CNTLN: variants seen among roughly 807,000 people sequenced by gnomAD.
CNTLN encodes centlein.
Under a neutral mutation model 180.0 loss-of-function variants are expected in CNTLN, and 212 were observed. The observed-to-expected ratio is 1.18, with a 90% CI of 1.05 to 1.32. CNTLN has a LOEUF of 1.32. CNTLN is among the 40% of genes most tolerant of loss of function. CNTLN has a pLI of 0.00. For synonymous variants in CNTLN, 722 were observed against 563.1 expected (o/e 1.28, Z -3.99); for missense variants, 2,095 against 1,610.9 (o/e 1.30, Z -5.14).
In CNTLN at chr9:17,416,196, A is replaced by C. The variant is rs746544592; in HGVS notation, c.3114+7A>C. On this transcript the variant is annotated splice_region_variant and intron_variant, in intron 18 of 25. Coordinates refer to ENST00000380647, the MANE Select transcript of CNTLN (RefSeq NM_017738.4). The stretch of plus-strand genomic sequence containing the variant: ...AAGCAGGCAGACAATAAAGGTAAAG[A>C]GAACTTTAAGATTGAACAGTAGTAT... The C allele has an allele frequency of 6.2e-6, 10 of 1,600,714 alleles. No homozygotes were observed. The Admixed American group carries it at 1.2e-4, about 19-fold the overall frequency.
intron 25 of CNTLN, among the ~76,000 whole-genome samples, chr9:17,488,134 C>T (rs764144633): frequency 8.6e-5 from 13 of 152,004 alleles, no homozygotes; most frequent in Non-Finnish European, 1.5e-4. Context: ...TATCAGTTTC[C>T]GTGCTTTTAG....
intron 5 of CNTLN, among the ~76,000 whole-genome samples, chr9:17,254,108 C>T (rs909559331): frequency 6.6e-6 from 1 of 151,616 alleles, no homozygotes; most frequent in African/African-American, 2.4e-5. Flanking sequence ...ATCATCCCTG[C>T]ATCCCTGGGA....
intron 2 of CNTLN, among the ~76,000 whole-genome samples, chr9:17,148,378 T>A (rs1235916628): frequency 2.6e-5 from 4 of 152,236 alleles, no homozygotes; most frequent in Non-Finnish European, 4.4e-5. Context: ...AAGCCTCTGG[T>A]CACAACAATT....
intron 5 of CNTLN, among the ~76,000 whole-genome samples, chr9:17,251,497 C>CT (rs2132277412): frequency 6.6e-6 from 1 of 151,790 alleles, no homozygotes; most frequent in South Asian, 2.1e-4. Context: ...TATCTAATTA[C>CT]TTTTTGTGCT....
intron 12 of CNTLN, among the ~76,000 whole-genome samples, chr9:17,362,885 C>G (rs1336375481): frequency 6.6e-6 from 1 of 152,084 alleles, no homozygotes; most frequent in Non-Finnish European, 1.5e-5. Flanking sequence ...CTATCCCTCC[C>G]CTAGTCCCCC....
chr9:17,482,679 C>T (rs1189939636), intron 23 of CNTLN, among the ~76,000 whole-genome samples: 1 of 152,118 alleles, frequency 6.6e-6, no homozygotes, highest in Non-Finnish European at 1.5e-5. Context: ...AGAGAGATTG[C>T]TTTACCCAAT....
At chr9:17,308,651 CTT>C (rs1216741367) in intron 7 of CNTLN, among the ~76,000 whole-genome samples, 3 of 151,690 alleles carry the variant, frequency 2.0e-5, no homozygotes, top group Non-Finnish European at 4.4e-5. Flanking sequence ...TTTAGAATGA[CTT>C]TTTGTTTTTG....
chr9:17,295,590 T>G (rs1340306832), intron 6 of CNTLN, among the ~76,000 whole-genome samples: 1 of 152,160 alleles, frequency 6.6e-6, no homozygotes, highest in Non-Finnish European at 1.5e-5. Flanking sequence ...TTTGTTCTTC[T>G]TGGTGGGGGG....
chr9:17,484,628 C>T (rs1832810751), intron 24 of CNTLN, 148 bp downstream of exon 24: 2 of 614,708 alleles, frequency 3.3e-6, no homozygotes, highest in South Asian at 3.0e-5. Context: ...GAAAGATACA[C>T]ATCAAGTATT....
chr9:17,444,613 A>T (rs1830298238), intron 18 of CNTLN, among the ~76,000 whole-genome samples: 1 of 152,218 alleles, frequency 6.6e-6, no homozygotes, highest in Non-Finnish European at 1.5e-5. Context: ...AGAAAAGCAG[A>T]TCAACTGGCT....
chr9:17,279,113 T>G (rs1563951048), intron 6 of CNTLN, among the ~76,000 whole-genome samples: 1 of 152,112 alleles, frequency 6.6e-6, no homozygotes, highest in South Asian at 2.1e-4. Flanking sequence ...AAACTACATT[T>G]CATCTGTAGT....
intron 5 of CNTLN, among the ~76,000 whole-genome samples, chr9:17,241,786 C>G (rs1825507767): frequency 6.6e-6 from 1 of 151,676 alleles, no homozygotes; most frequent in Admixed American, 6.6e-5. Flanking sequence ...TGGTTAATTC[C>G]TAGGTATATA....
At chr9:17,332,823 T>C in intron 10 of CNTLN, 93 bp downstream of exon 10, 1 of 1,003,168 alleles carries the variant, frequency 1.0e-6, no homozygotes, top group Non-Finnish European at 1.4e-6. Flanking sequence ...GTTGTCCTTT[T>C]TCTTTCCTGA....
At chr9:17,507,552 C>T (rs543511226), downstream of CNTLN, among the ~76,000 whole-genome samples, 3 of 152,080 alleles carry the variant, frequency 2.0e-5, no homozygotes, top group South Asian at 4.1e-4. Flanking sequence ...GTTTTTAGTT[C>T]GAAGAGTTGC....
intron 5 of CNTLN, among the ~76,000 whole-genome samples, chr9:17,260,084 A>G (rs1323683218): frequency 2.8e-5 from 4 of 144,698 alleles, no homozygotes; most frequent in Non-Finnish European, 4.5e-5. Flanking sequence ...TCAATTTTGG[A>G]TCTTTCCTGC....
intron 5 of CNTLN, among the ~76,000 whole-genome samples, chr9:17,245,038 T>A (rs1283208334): frequency 4.6e-5 from 7 of 152,214 alleles, no homozygotes; most frequent in Admixed American, 3.3e-4. Flanking sequence ...TTTGGTAGAT[T>A]TACCTTTTAT....
At chr9:17,377,569 A>C (rs1256374816) in intron 13 of CNTLN, among the ~76,000 whole-genome samples, 1 of 152,082 alleles carries the variant, frequency 6.6e-6, no homozygotes, top group Non-Finnish European at 1.5e-5. Flanking sequence ...TGTCAAAAAA[A>C]CAAAAAACAA....
rs570988068 is a variant in CNTLN, at chr9:17,174,301, T to C, written c.449+30925T>C. On this transcript the variant is annotated intron_variant, in intron 2 of 25. Coordinates refer to ENST00000380647, the MANE Select transcript of CNTLN (RefSeq NM_017738.4). Reference sequence around the variant, plus strand: ...ATGAATTAGTTGCTATGAATATTTGTGTACATACTTTTTTGTTGTAAACCT... The same window carrying C: ...ATGAATTAGTTGCTATGAATATTTGCGTACATACTTTTTTGTTGTAAACCT... Among the ~76,000 whole-genome samples, 8 of 152,350 alleles carry C rather than the reference T, an allele frequency of 5.3e-5. No homozygotes were observed. In the South Asian group the frequency reaches 1.7e-3, roughly 32 times the overall value.
intron 2 of CNTLN, among the ~76,000 whole-genome samples, chr9:17,185,590 G>T (rs1426045226): frequency 1.3e-5 from 2 of 152,016 alleles, no homozygotes; most frequent in Admixed American, 6.6e-5. Flanking sequence ...TGGTTTGTGA[G>T]TTTGTGAATG....
Sources: gnomAD v4.1 joint callset for allele counts (sites outside exome capture counted in the v4.1 genomes callset) on GRCh38, gnomAD v4.1.1 for gene constraint, MANE v1.5 for transcripts, NCBI Gene and HGNC (gene_info 2026-07-23, HGNC 2026-07-21) for gene names.